Variants in BAZ2B observed in about 807,000 individuals in gnomAD.
The protein encoded by BAZ2B is bromodomain adjacent to zinc finger domain 2B.
Under a neutral mutation model 246.0 loss-of-function variants are expected in BAZ2B, and 91 were observed. The ratio of observed to expected loss-of-function variants is 0.37; its 90% CI spans 0.31 to 0.44. The LOEUF is 0.44. BAZ2B is among the 20% of genes least tolerant of loss of function. The pLI is 1.00. For missense variants in BAZ2B, 2,332 were observed against 2,533.7 expected (o/e 0.92, Z 1.71); for synonymous variants, 855 against 860.0 (o/e 0.99, Z 0.10).
intron 2 of BAZ2B, among the ~76,000 whole-genome samples, chr2:159,526,309 A>G (rs558368924): frequency 3.9e-5 from 6 of 152,166 alleles, no homozygotes; most frequent in Non-Finnish European, 8.8e-5. Flanking sequence ...AAATTAGGCA[A>G]CATATAGTAA....
intron 2 of BAZ2B, among the ~76,000 whole-genome samples, chr2:159,498,351 C>A (rs75560474): frequency 2.6e-5 from 4 of 152,140 alleles, no homozygotes; most frequent in Non-Finnish European, 2.9e-5. Context: ...AGATAATTTT[C>A]AATTCCAAGC....
At chr2:159,681,953 T>C in the BAZ2B span, among the ~76,000 whole-genome samples, 2 of 151,950 alleles carry the variant, frequency 1.3e-5, no homozygotes, top group African/African-American at 4.8e-5. Context: ...AAAAGATTAT[T>C]TCAGAAGGAA....
intron 9 of BAZ2B, among the ~76,000 whole-genome samples, chr2:159,432,466 A>C (rs988148574): frequency 6.6e-6 from 1 of 152,226 alleles, no homozygotes; most frequent in African/African-American, 2.4e-5. Flanking sequence ...GTGGTCCTGA[A>C]TGAAATAAAA....
At chr2:159,443,466 T>A (rs2073784628) in intron 6 of BAZ2B, among the ~76,000 whole-genome samples, 2 of 152,010 alleles carry the variant, frequency 1.3e-5, no homozygotes, top group Non-Finnish European at 2.9e-5. Flanking sequence ...TCAAACTACA[T>A]GTGAAAAGAA....
chr2:159,641,723 T>C, the BAZ2B span, among the ~76,000 whole-genome samples: 1,290 of 152,304 alleles, frequency 8.5e-3, 13 homozygotes, highest in Middle Eastern at 0.017. Flanking sequence ...CCATCTTGAG[T>C]TGATTTTTGT....
At chr2:159,365,170 C>A (rs1159627813) in intron 27 of BAZ2B, among the ~76,000 whole-genome samples, 2 of 152,240 alleles carry the variant, frequency 1.3e-5, no homozygotes, top group Non-Finnish European at 2.9e-5. Flanking sequence ...TGGCATTCTA[C>A]AATGGGACCA....
At chr2:159,549,643 A>G (rs1365124168) in intron 2 of BAZ2B, among the ~76,000 whole-genome samples, 3 of 152,188 alleles carry the variant, frequency 2.0e-5, no homozygotes, top group East Asian at 3.9e-4. Context: ...ATGTTTTGAT[A>G]AAGTTTCCAA....
chr2:159,627,323 G>A, the BAZ2B span, among the ~76,000 whole-genome samples: 13 of 148,636 alleles, frequency 8.7e-5, no homozygotes, highest in African/African-American at 3.0e-4. Flanking sequence ...TTTATGAGGC[G>A]AGCATCATCC....
intron 1 of BAZ2B, among the ~76,000 whole-genome samples, chr2:159,577,877 A>G (rs2151611122): frequency 6.6e-6 from 1 of 152,316 alleles, no homozygotes; most frequent in Admixed American, 6.5e-5. Flanking sequence ...TAAAGTAATT[A>G]AAAGAATTAT....
intron 2 of BAZ2B, among the ~76,000 whole-genome samples, chr2:159,518,396 CT>C (rs2083667759): frequency 6.6e-6 from 1 of 152,196 alleles, no homozygotes. Flanking sequence ...TACTTATCCT[CT>C]GAGGCATTCT....
At chr2:159,603,671 C>G (rs1359044098) in intron 1 of BAZ2B, among the ~76,000 whole-genome samples, 1 of 142,446 alleles carries the variant, frequency 7.0e-6, no homozygotes, top group African/African-American at 2.6e-5. Context: ...CTCCTCCTTA[C>G]AAAAAAAAAA....
In BAZ2B at chr2:159,584,792, G is replaced by C. The variant is rs571386111; in HGVS notation, c.-45-28927C>G. 5.9e-5 allele frequency among the ~76,000 whole-genome samples: 9 copies of C among 152,292 alleles called. No individual in the cohort carries two copies. The South Asian group carries it at 1.9e-3, about 32-fold the overall frequency. On this transcript the variant is annotated intron_variant, in intron 1 of 36. Transcript: ENST00000392783. ...CCTGGTGGGAGGTGATTGGATCATAGGGGTGGACTTCTCATGAATGGCTTA... is the reference window on the plus strand; with the variant it reads ...CCTGGTGGGAGGTGATTGGATCATACGGGTGGACTTCTCATGAATGGCTTA...
chr2:159,710,469 A>G, the BAZ2B span, among the ~76,000 whole-genome samples: 2 of 152,134 alleles, frequency 1.3e-5, no homozygotes, highest in African/African-American at 4.8e-5. Context: ...TGGCCTCCCA[A>G]AGTGCTGGGA....
chr2:159,575,183 C>T (rs562162921), intron 1 of BAZ2B, among the ~76,000 whole-genome samples: 1 of 151,936 alleles, frequency 6.6e-6, no homozygotes, highest in Non-Finnish European at 1.5e-5. Context: ...GTTGGGGGAA[C>T]AGGAAATGGA....
At chr2:159,582,569 G>A (rs1355361016) in intron 1 of BAZ2B, among the ~76,000 whole-genome samples, 1 of 152,054 alleles carries the variant, frequency 6.6e-6, no homozygotes, top group Non-Finnish European at 1.5e-5. Flanking sequence ...TTTTTTTTAA[G>A]AGATGGGGTC....
At chr2:159,356,761 C>T (rs947635770) in intron 27 of BAZ2B, among the ~76,000 whole-genome samples, 7 of 152,098 alleles carry the variant, frequency 4.6e-5, no homozygotes, top group African/African-American at 7.2e-5. Flanking sequence ...CCCTGTGGGA[C>T]GAAGGTTCCA....
chr2:159,372,680 A>G (rs988456603), intron 27 of BAZ2B, among the ~76,000 whole-genome samples: 3 of 152,254 alleles, frequency 2.0e-5, no homozygotes, highest in African/African-American at 7.2e-5. Flanking sequence ...GCAGGGGGTT[A>G]CTGTCAGGAT....
chr2:159,373,136 T>C lies in BAZ2B; in HGVS notation c.4122A>G (p.Ser1374=), dbSNP rs773960960. 3.7e-6 allele frequency: 6 copies of C among 1,614,090 alleles called. No individual in the cohort carries two copies. The Middle Eastern group carries it at 4.9e-4, about 133-fold the overall frequency. ...TGTAACGATCTTGGCCAAACATCAC[T>C]GAACGCAATGAGTGAGACGCATCAA... ...KLFDASHSLR[S]VMFGQDRYRR... is the part of the protein sequence containing the mutation. Residue 1374 remains serine, a synonymous_variant, in exon 27 of 37, where the codon TCA becomes TCG. Coordinates refer to ENST00000392783, the MANE Select transcript of BAZ2B (RefSeq NM_013450.4).
At chr2:159,504,786 A>C (rs895583685) in intron 2 of BAZ2B, among the ~76,000 whole-genome samples, 4 of 152,202 alleles carry the variant, frequency 2.6e-5, no homozygotes, top group African/African-American at 9.6e-5. Context: ...TTAAACCGTA[A>C]GATAATTTTT....
Sources: allele counts gnomAD v4.1 joint callset (sites outside exome capture counted in the v4.1 genomes callset), GRCh38; gene constraint gnomAD v4.1.1; transcripts MANE v1.5; gene names NCBI Gene and HGNC (gene_info 2026-07-23, HGNC 2026-07-21).